The following IMMP1L variants were observed in gnomAD, a reference collection of about 807,000 sequenced individuals.
IMMP1L encodes mitochondrial inner membrane protease subunit 1.
In IMMP1L, 24 loss-of-function variants were observed where a neutral mutation model predicts 21.8. The observed-to-expected ratio is 1.10, with a 90% CI of 0.80 to 1.55. IMMP1L has a LOEUF of 1.55. Ranked by LOEUF, IMMP1L falls within the 40% of genes most tolerant of loss-of-function variation. IMMP1L has a pLI of 0.00. For missense variants in IMMP1L, 195 were observed against 200.7 expected, an observed-to-expected ratio of 0.97 and a Z score of 0.17; for synonymous variants, 46 against 62.8, an observed-to-expected ratio of 0.73 and a Z score of 1.26.
At chr11:31,485,105 C>T (rs1436714567) in intron 1 of IMMP1L, among the ~76,000 whole-genome samples, 3 of 151,822 alleles carry the variant, frequency 2.0e-5, no homozygotes, top group Non-Finnish European at 4.4e-5. Context: ...ATGCATTTCA[C>T]TTCTAAATGA....
intron 1 of IMMP1L, among the ~76,000 whole-genome samples, chr11:31,484,734 C>T (rs1313434002): frequency 6.6e-6 from 1 of 151,740 alleles, no homozygotes; most frequent in African/African-American, 2.4e-5. Flanking sequence ...ACAACCTATG[C>T]ATCTCTGATT....
chr11:31,472,227 T>A (rs796368758), intron 1 of IMMP1L, among the ~76,000 whole-genome samples: 26 of 152,358 alleles, frequency 1.7e-4, no homozygotes, highest in African/African-American at 6.3e-4. Context: ...TGCAGACATC[T>A]TTGGAGGGCC....
At chr11:31,444,806 T>A (rs994387080) in intron 4 of IMMP1L, among the ~76,000 whole-genome samples, 2 of 152,100 alleles carry the variant, frequency 1.3e-5, no homozygotes, top group African/African-American at 4.8e-5. Context: ...GTCTCGAACT[T>A]AAATGGGCAT....
intron 1 of IMMP1L, among the ~76,000 whole-genome samples, chr11:31,467,322 A>G (rs936993483): frequency 6.6e-6 from 1 of 152,144 alleles, no homozygotes; most frequent in Non-Finnish European, 1.5e-5. Context: ...GGCCATTGTA[A>G]GAAGCAATGA....
intron 4 of IMMP1L, among the ~76,000 whole-genome samples, chr11:31,444,681 C>G (rs1049282919): frequency 6.6e-6 from 1 of 151,588 alleles, no homozygotes; most frequent in Non-Finnish European, 1.5e-5. Context: ...CCTCTGCCAC[C>G]TGGGTTCAAG....
intron 1 of IMMP1L, among the ~76,000 whole-genome samples, chr11:31,499,694 C>T (rs1287864792): frequency 1.3e-5 from 2 of 152,024 alleles, no homozygotes; most frequent in South Asian, 2.1e-4. Flanking sequence ...TTTCAGTGTC[C>T]ACAAAGTGTT....
At chr11:31,507,327 G>C (rs1955809133) in intron 1 of IMMP1L, among the ~76,000 whole-genome samples, 1 of 151,962 alleles carries the variant, frequency 6.6e-6, no homozygotes, top group Non-Finnish European at 1.5e-5. Context: ...TGTTATACCA[G>C]ATATATATCC....
intron 4 of IMMP1L, among the ~76,000 whole-genome samples, chr11:31,442,736 C>A (rs56092016): frequency 6.6e-6 from 1 of 152,050 alleles, no homozygotes; most frequent in African/African-American, 2.4e-5. Context: ...AGGTGAGGAA[C>A]AAAGTTTTTA....
chr11:31,471,894 A>G (rs1396518985), intron 1 of IMMP1L, among the ~76,000 whole-genome samples: 1 of 152,222 alleles, frequency 6.6e-6, no homozygotes, highest in Admixed American at 6.5e-5. Flanking sequence ...GGGCTAAAAA[A>G]TCAAGACTGT....
Position 31,460,642 on chromosome 11 carries a change from A to AT in IMMP1L, c.177_178insA (p.Phe60IlefsTer8). ...GAAATTTACCTTTGGATACCATAAA[A>AT]ATGTCGACTAAGATTTTCTGCAAAG... On this transcript the variant is annotated frameshift_variant, in exon 3 of 6. Coordinates refer to ENST00000532287, the MANE Select transcript of IMMP1L (RefSeq NM_001304274.2). LOFTEE classifies it high-confidence loss of function. The AT allele has an allele frequency of 2.0e-5, 32 of 1,605,100 alleles. No individual in the cohort carries two copies. Among genetic ancestry groups the AT allele is most frequent in the Non-Finnish European group, 2.6e-5 (31 of 1,172,128 alleles).
At chr11:31,470,831 T>C (rs1254591558) in intron 1 of IMMP1L, among the ~76,000 whole-genome samples, 4 of 152,212 alleles carry the variant, frequency 2.6e-5, no homozygotes, top group African/African-American at 4.8e-5. Context: ...GCAACATGTA[T>C]GAGCCTGGAG....
intron 1 of IMMP1L, among the ~76,000 whole-genome samples, chr11:31,495,551 C>T (rs754151236): frequency 1.3e-5 from 2 of 152,130 alleles, no homozygotes; most frequent in Non-Finnish European, 2.9e-5. Flanking sequence ...GGGAAACTTA[C>T]ACTCATGGCG....
In IMMP1L at chr11:31,509,598, C is replaced by G. The variant is rs574317660; in HGVS notation, c.-109G>C. On this transcript the variant is annotated 5_prime_UTR_variant, in exon 1 of 6. Coordinates refer to ENST00000532287, the MANE Select transcript of IMMP1L (RefSeq NM_001304274.2). ...TCACCTGGGCCCCGCCGAAGTCGACCGTCCTTTCGTAGGGCGCACTTTTCA... is the reference window on the plus strand; with the variant it reads ...TCACCTGGGCCCCGCCGAAGTCGACGGTCCTTTCGTAGGGCGCACTTTTCA... 3.8e-5 allele frequency: 24 copies of G among 637,318 alleles called. No homozygotes were observed. Among genetic ancestry groups the G allele is most frequent in the African/African-American group, 3.7e-4 (20 of 54,790 alleles). The allele number at this position is 637,318 out of a possible 1,614,324, so 39.5% of individuals were successfully genotyped here. A position where few individuals can be genotyped will look rare whatever the true frequency, so the allele number is the denominator to read the frequency against.
intron 1 of IMMP1L, among the ~76,000 whole-genome samples, chr11:31,472,193 A>G (rs1383752083): frequency 6.6e-6 from 1 of 152,216 alleles, no homozygotes; most frequent in African/African-American, 2.4e-5. Context: ...AAGGCAACAT[A>G]TTCAAAGGTT....
intron 1 of IMMP1L, among the ~76,000 whole-genome samples, chr11:31,468,245 C>A (rs1417399560): frequency 1.3e-5 from 2 of 151,972 alleles, no homozygotes; most frequent in Non-Finnish European, 2.9e-5. Flanking sequence ...AATTTCTTAA[C>A]AATATGCTAC....
intron 1 of IMMP1L, among the ~76,000 whole-genome samples, chr11:31,483,290 G>A (rs920788437): frequency 1.3e-5 from 2 of 151,924 alleles, no homozygotes; most frequent in African/African-American, 4.8e-5. Context: ...CTCACAAAGT[G>A]TGCACTTTCC....
At chr11:31,448,593 A>G (rs776746799) in intron 4 of IMMP1L, among the ~76,000 whole-genome samples, 1 of 152,188 alleles carries the variant, frequency 6.6e-6, no homozygotes, top group African/African-American at 2.4e-5. Context: ...CTAACTTTAT[A>G]ACTTTTGAGT....
At chr11:31,465,993 G>A (rs1377580542) in intron 1 of IMMP1L, among the ~76,000 whole-genome samples, 21 of 151,968 alleles carry the variant, frequency 1.4e-4, no homozygotes, top group Non-Finnish European at 1.5e-4. Flanking sequence ...CATGTTGAAT[G>A]GGAGAAAATA....
chr11:31,460,281 T>C (rs1024904030), intron 3 of IMMP1L, among the ~76,000 whole-genome samples: 1 of 152,176 alleles, frequency 6.6e-6, no homozygotes, highest in Non-Finnish European at 1.5e-5. Context: ...AACAAAAACA[T>C]TGATTTGGAT....
Sources: allele counts gnomAD v4.1 joint callset (sites outside exome capture counted in the v4.1 genomes callset), GRCh38; gene constraint gnomAD v4.1.1; transcripts MANE v1.5; gene names NCBI Gene and HGNC (gene_info 2026-07-23, HGNC 2026-07-21).